VGLL4: variants seen among roughly 807,000 people sequenced by gnomAD.
VGLL4 encodes the protein vestigial like family member 4, also known as transcription cofactor vestigial-like protein 4.
VGLL4 carries 7 observed loss-of-function variants against 21.0 expected under a neutral mutation model. The ratio of observed to expected loss-of-function variants is 0.33; its 90% CI spans 0.19 to 0.63. VGLL4 has a LOEUF of 0.63. VGLL4 is among the 20% of genes least tolerant of loss of function. The pLI is 0.78. For missense variants in VGLL4, 394 were observed against 425.7 expected (o/e 0.93, Z 0.66); for synonymous variants, 222 against 173.2 (o/e 1.28, Z -2.21).
In VGLL4 at chr3:11,558,463, C is replaced by G; in HGVS notation, c.*93G>C. The G allele has an allele frequency of 8.4e-7, 1 of 1,184,536 alleles. No homozygotes were observed. Among genetic ancestry groups the G allele is most frequent in the Non-Finnish European group, 1.1e-6 (1 of 873,068 alleles). The allele number at this position is 1,184,536 out of a possible 1,614,324, so 73.4% of individuals were successfully genotyped here. A position where few individuals can be genotyped will look rare whatever the true frequency, so the allele number is the denominator to read the frequency against. On this transcript the variant is annotated 3_prime_UTR_variant, in exon 5 of 5. Coordinates refer to ENST00000430365, the MANE Select transcript of VGLL4 (RefSeq NM_001128219.3). ...AAACCATCCCTTCCCTTCCCCCCACCCCACCCCCATGATTTTTTTTTTTTT... is the reference window on the plus strand; with the variant it reads ...AAACCATCCCTTCCCTTCCCCCCACGCCACCCCCATGATTTTTTTTTTTTT...
At chr3:11,669,988 C>T (rs1280466801) in intron 2 of VGLL4, among the ~76,000 whole-genome samples, 4 of 152,132 alleles carry the variant, frequency 2.6e-5, no homozygotes, top group African/African-American at 9.7e-5. Flanking sequence ...TTCAATTCTG[C>T]CATGCTTTGG....
intron 2 of VGLL4, among the ~76,000 whole-genome samples, chr3:11,591,039 G>A (rs540396933): frequency 6.6e-6 from 1 of 152,270 alleles, no homozygotes; most frequent in African/African-American, 2.4e-5. Flanking sequence ...AGGCAATGTC[G>A]AGGTTAATCC....
intron 1 of VGLL4, among the ~76,000 whole-genome samples, chr3:11,711,484 G>A (rs1462496064): frequency 2.0e-5 from 3 of 150,782 alleles, no homozygotes; most frequent in African/African-American, 4.9e-5. Context: ...GAAGAATGGC[G>A]TGAACCCGGG....
At chr3:11,682,839 T>C (rs1433493355) in intron 2 of VGLL4, among the ~76,000 whole-genome samples, 1 of 151,998 alleles carries the variant, frequency 6.6e-6, no homozygotes, top group African/African-American at 2.4e-5. Context: ...AAGAGGACAA[T>C]CAAGGTCCTA....
chr3:11,564,236 A>G (rs1301544857), intron 3 of VGLL4, among the ~76,000 whole-genome samples: 1 of 152,232 alleles, frequency 6.6e-6, no homozygotes, highest in Non-Finnish European at 1.5e-5. Flanking sequence ...GCAATCATTT[A>G]ATTTCCTATT....
intron 2 of VGLL4, among the ~76,000 whole-genome samples, chr3:11,667,162 G>T (rs5003430): frequency 1 from 152,367 of 152,368 alleles, 76,183 homozygotes; most frequent in Non-Finnish European, 1. Context: ...TGCTAGTAGT[G>T]CAGATGCCTG....
chr3:11,661,635 C>A (rs11715763), intron 2 of VGLL4, among the ~76,000 whole-genome samples: 56,477 of 151,672 alleles, frequency 0.37, 12,151 homozygotes, highest in Non-Finnish European at 0.49. Flanking sequence ...CCACGCCCAG[C>A]TAATTTTTGT....
At chr3:11,571,055 G>A (rs963913650) in intron 2 of VGLL4, among the ~76,000 whole-genome samples, 2 of 152,174 alleles carry the variant, frequency 1.3e-5, no homozygotes, top group African/African-American at 4.8e-5. Context: ...AGGTGGCGGA[G>A]GCTGAGGCAG....
intron 2 of VGLL4, among the ~76,000 whole-genome samples, chr3:11,578,784 C>G (rs1242697985): frequency 7.7e-6 from 1 of 129,230 alleles, no homozygotes; most frequent in Non-Finnish European, 1.6e-5. Context: ...GAGTCTCGCT[C>G]TGTCACCCAG....
intron 1 of VGLL4, chr3:11,703,068 G>GA (rs1446301266): frequency 1.3e-6 from 2 of 1,513,926 alleles, no homozygotes; most frequent in African/African-American, 4.3e-5. Flanking sequence ...AAAATAAAAG[G>GA]GGAAAAAATA....
At chr3:11,685,769 G>C (rs2076438511) in intron 2 of VGLL4, among the ~76,000 whole-genome samples, 1 of 151,992 alleles carries the variant, frequency 6.6e-6, no homozygotes, top group Admixed American at 6.6e-5. Flanking sequence ...CTCAAAAATG[G>C]GCAAAGCAAG....
intron 2 of VGLL4, among the ~76,000 whole-genome samples, chr3:11,665,318 T>A (rs2125360123): frequency 6.6e-6 from 1 of 152,172 alleles, no homozygotes; most frequent in East Asian, 1.9e-4. Flanking sequence ...TTTCACCGTG[T>A]TAGCCAGGAT....
chr3:11,642,403 T>C (rs1222677636), intron 1 of VGLL4, among the ~76,000 whole-genome samples: 1 of 152,112 alleles, frequency 6.6e-6, no homozygotes, highest in Non-Finnish European at 1.5e-5. Context: ...ATTAAAAAAA[T>C]ACAAGTGAAT....
chr3:11,566,691 G>A lies in VGLL4; in HGVS notation c.273-1672C>T, dbSNP rs148436814. The stretch of plus-strand genomic sequence containing the variant: ...TGCCGCTCTAGCCTCCCTCCTCCCC[G>A]TCCTGCGCTGCCAACCACAGCTGCA... On this transcript the variant is annotated intron_variant, in intron 2 of 4. Coordinates refer to ENST00000430365, the MANE Select transcript of VGLL4 (RefSeq NM_001128219.3). Among the ~76,000 whole-genome samples the A allele has an allele frequency of 5.2e-3, 793 of 152,164 alleles. 6 individuals are homozygous for A. Among genetic ancestry groups the A allele is most frequent in the Non-Finnish European group, 8.9e-3 (607 of 67,998 alleles).
At chr3:11,641,724 T>A (rs191658796) in intron 1 of VGLL4, among the ~76,000 whole-genome samples, 1 of 152,084 alleles carries the variant, frequency 6.6e-6, no homozygotes, top group African/African-American at 2.4e-5. Context: ...CTACTCAATC[T>A]TCAAAATCAA....
At chr3:11,582,534 G>T in intron 2 of VGLL4, 2 of 598,760 alleles carry the variant, frequency 3.3e-6, no homozygotes, top group Non-Finnish European at 5.8e-6. Flanking sequence ...ATTTATAGAG[G>T]GTGCCTTGCC....
At chr3:11,671,413 T>G (rs756614992) in intron 2 of VGLL4, 11 of 804,854 alleles carry the variant, frequency 1.4e-5, no homozygotes, top group South Asian at 1.1e-4. Context: ...CACATGTAAG[T>G]AACAAAGAGG....
chr3:11,716,144 A>G (rs1010951025), intron 1 of VGLL4, among the ~76,000 whole-genome samples: 6 of 152,020 alleles, frequency 3.9e-5, no homozygotes, highest in Admixed American at 3.3e-4. Flanking sequence ...TCTACTAAAA[A>G]TACAAAAATT....
chr3:11,616,701 GA>G (rs1363554313), intron 1 of VGLL4, among the ~76,000 whole-genome samples: 7 of 152,052 alleles, frequency 4.6e-5, no homozygotes, highest in Non-Finnish European at 1.0e-4. Flanking sequence ...AGGACTGGCA[GA>G]AAAAAAATCA....
Sources: allele counts gnomAD v4.1 joint callset (sites outside exome capture counted in the v4.1 genomes callset), GRCh38; gene constraint gnomAD v4.1.1; transcripts MANE v1.5; gene names NCBI Gene and HGNC (gene_info 2026-07-23, HGNC 2026-07-21).